Variants in FBLN2 observed in about 807,000 individuals in gnomAD.
FBLN2 encodes fibulin 2.
Under a neutral mutation model 123.7 loss-of-function variants are expected in FBLN2, and 81 were observed. That is an observed-to-expected ratio of 0.65 (90% CI 0.55 to 0.79). The LOEUF is 0.79. Ranked by LOEUF, FBLN2 falls within the 30% of genes least tolerant of loss-of-function variation. FBLN2 has a pLI of 0.00. For synonymous variants in FBLN2, 699 were observed against 701.4 expected (o/e 1.00, Z 0.05); for missense variants, 1,603 against 1,681.3 (o/e 0.95, Z 0.81).
chr3:13,590,875 T>G (rs1704653033), intron 2 of FBLN2, among the ~76,000 whole-genome samples: 1 of 152,242 alleles, frequency 6.6e-6, no homozygotes, highest in African/African-American at 2.4e-5. Flanking sequence ...CTGTGAGCAT[T>G]CTCGTCTGCG....
intron 2 of FBLN2, among the ~76,000 whole-genome samples, chr3:13,594,573 C>A (rs922172107): frequency 1.3e-5 from 2 of 152,236 alleles, no homozygotes; most frequent in African/African-American, 4.8e-5. Flanking sequence ...CATCACTCTG[C>A]CTCCCTGGGT....
At chr3:13,573,278 G>A (rs995013958) in intron 2 of FBLN2, among the ~76,000 whole-genome samples, 2 of 152,102 alleles carry the variant, frequency 1.3e-5, no homozygotes, top group African/African-American at 4.8e-5. Flanking sequence ...GCCTTTGCAC[G>A]TGCTGTTTCC....
rs762685085 is a variant in FBLN2, at chr3:13,637,805, C to T, written c.3582C>T (p.Ala1194=). Residue 1194 remains alanine, a synonymous_variant, in exon 18 of 18, where the codon GCC becomes GCT. Transcript: ENST00000404922. ...AYTGVVYLQR[A]VLEPRDFALD... is the part of the protein sequence containing the mutation. ...CGGGTGTGGTCTACCTGCAGCGGGCCGTGCTGGAGCCCCGGGACTTTGCCC... is the reference window on the plus strand; with the variant it reads ...CGGGTGTGGTCTACCTGCAGCGGGCTGTGCTGGAGCCCCGGGACTTTGCCC... 26 of 1,613,702 alleles carry T rather than the reference C, an allele frequency of 1.6e-5. No individual in the cohort carries two copies. Among genetic ancestry groups the T allele is most frequent in the Admixed American group, 1.2e-4 (7 of 60,008 alleles).
chr3:13,593,713 CAAAAAAAAA>C (rs59546141), intron 2 of FBLN2, among the ~76,000 whole-genome samples: 2 of 81,200 alleles, frequency 2.5e-5, no homozygotes, highest in African/African-American at 8.7e-5. Flanking sequence ...GACTCTATCT[CAAAAAAAAA>C]AAAAAAAAAA....
chr3:13,598,886 G>A (rs1453989748), intron 2 of FBLN2, among the ~76,000 whole-genome samples: 4 of 152,206 alleles, frequency 2.6e-5, no homozygotes, highest in African/African-American at 9.7e-5. Flanking sequence ...CCTGCTGGAC[G>A]CACAGACAGG....
chr3:13,617,514 C>T (rs970554520), intron 5 of FBLN2, among the ~76,000 whole-genome samples: 2 of 150,428 alleles, frequency 1.3e-5, no homozygotes, highest in African/African-American at 4.9e-5. Context: ...ATCTATCCAC[C>T]CATCCTTCCA....
chr3:13,632,011 G>A (rs1706275106), intron 16 of FBLN2, among the ~76,000 whole-genome samples: 1 of 152,224 alleles, frequency 6.6e-6, no homozygotes, highest in African/African-American at 2.4e-5. Context: ...CTGCTATTGA[G>A]GATGTACAAG....
intron 5 of FBLN2, 81 bp from the exon 6 acceptor site, chr3:13,617,995 C>T: frequency 8.0e-7 from 1 of 1,256,332 alleles, no homozygotes; most frequent in Non-Finnish European, 1.1e-6. Flanking sequence ...TGAGGACCTG[C>T]ACTAGTTTCC....
intron 9 of FBLN2, among the ~76,000 whole-genome samples, chr3:13,624,608 C>A (rs1349148974): frequency 6.6e-6 from 1 of 152,200 alleles, no homozygotes; most frequent in Non-Finnish European, 1.5e-5. Flanking sequence ...CTCCACCTCT[C>A]CACCTGGTCC....
At chr3:13,598,375 C>T (rs1704915890) in intron 2 of FBLN2, among the ~76,000 whole-genome samples, 1 of 152,158 alleles carries the variant, frequency 6.6e-6, no homozygotes. Context: ...CCCAAGTGCC[C>T]CAGCCAGTGA....
rs771710161 is a variant in FBLN2 at position 13,614,094 on chromosome 3, T to C, written c.1659T>C (p.Cys553=). The change falls in exon 5 of 18, where the codon TGT becomes TGC. Residue 553 remains cysteine (C), a synonymous_variant. Transcript: ENST00000404922. ...YPCNHVMLSC[C]EGEEPLIVPE... is the part of the protein sequence containing the mutation. Reference sequence around the variant, plus strand: ...GCAATCATGTCATGCTCTCCTGCTGTGAGGGTGAAGAGCCTCTCATAGTAC... The same window carrying C: ...GCAATCATGTCATGCTCTCCTGCTGCGAGGGTGAAGAGCCTCTCATAGTAC... 4 of 1,613,780 alleles carry C rather than the reference T, an allele frequency of 2.5e-6. No homozygotes were observed. The highest frequency in any genetic ancestry group is 3.4e-6 in the Non-Finnish European group (4 of 1,179,870).
At chr3:13,584,748 T>C (rs1704444275) in intron 2 of FBLN2, among the ~76,000 whole-genome samples, 1 of 152,146 alleles carries the variant, frequency 6.6e-6, no homozygotes, top group Non-Finnish European at 1.5e-5. Flanking sequence ...CGTGCGGGTA[T>C]GGTGGTTGGG....
rs780146552 is a variant in FBLN2, at chr3:13,608,191, G to C, written c.1418+18G>C. On this transcript the variant is annotated intron_variant, in intron 3 of 17. Transcript: ENST00000404922. Reference sequence around the variant, plus strand: ...GTCTGCAGGTAGGGTGGGCTCCCTGGAGCAGGCGGAGCTGCCCATTTGCCT... The same window carrying C: ...GTCTGCAGGTAGGGTGGGCTCCCTGCAGCAGGCGGAGCTGCCCATTTGCCT... 2.4e-5 allele frequency: 37 copies of C among 1,533,146 alleles called. No homozygotes were observed. The Middle Eastern group carries it at 6.8e-4, about 28-fold the overall frequency. The allele number at this position is 1,533,146 out of a possible 1,614,324, so 95.0% of individuals were successfully genotyped here.
At chr3:13,631,885 A>G (rs146734339) in intron 16 of FBLN2, among the ~76,000 whole-genome samples, 1 of 152,198 alleles carries the variant, frequency 6.6e-6, no homozygotes, top group East Asian at 1.9e-4. Flanking sequence ...GATCCTGGGG[A>G]GTAGAGAAGG....
intron 2 of FBLN2, among the ~76,000 whole-genome samples, chr3:13,603,222 T>C (rs1705094487): frequency 1.5e-5 from 2 of 131,394 alleles, no homozygotes; most frequent in African/African-American, 3.1e-5. Flanking sequence ...CCTTTTTTCT[T>C]TCTTTTTTTT....
chr3:13,617,570 CCCATCCACCCAT>C (rs1269662214), intron 5 of FBLN2, among the ~76,000 whole-genome samples: 1 of 127,606 alleles, frequency 7.8e-6, no homozygotes, highest in East Asian at 2.5e-4. Flanking sequence ...CCAGTTACAA[CCCATCCACCCAT>C]CCATCCATCC....
rs759974793 is a variant in FBLN2 at position 13,629,145 on chromosome 3, C to T, written c.2714-19C>T. 1.2e-6 allele frequency: 2 copies of T among 1,612,768 alleles called. No individual in the cohort carries two copies. The highest frequency in any genetic ancestry group is 1.7e-5 in the Admixed American group (1 of 59,966). On this transcript the variant is annotated intron_variant, in intron 12 of 17. Transcript: ENST00000404922. ...GGAGGGAGCCCCAGGCCTCAAGGTACCCTGCTCACCCCCCACAGACGTGAA... is the reference window on the plus strand; with the variant it reads ...GGAGGGAGCCCCAGGCCTCAAGGTATCCTGCTCACCCCCCACAGACGTGAA...
chr3:13,626,404 TG>T, intron 9 of FBLN2, 40 bp from the exon 10 acceptor site: 1 of 1,530,410 alleles, frequency 6.5e-7, no homozygotes, highest in Non-Finnish European at 8.8e-7. Context: ...GCCACTGTCC[TG>T]GGGACTCTGC....
intron 2 of FBLN2, among the ~76,000 whole-genome samples, chr3:13,577,041 G>T (rs1397299379): frequency 6.6e-6 from 1 of 152,114 alleles, no homozygotes; most frequent in Non-Finnish European, 1.5e-5. Flanking sequence ...GGCCAACATG[G>T]TGAAACCCCT....
Sources: gnomAD v4.1 joint callset for allele counts (sites outside exome capture counted in the v4.1 genomes callset) on GRCh38, gnomAD v4.1.1 for gene constraint, MANE v1.5 for transcripts, NCBI Gene and HGNC (gene_info 2026-07-23, HGNC 2026-07-21) for gene names.